BTRC: variants seen among roughly 807,000 people sequenced by gnomAD.
BTRC encodes the protein F-box/WD repeat-containing protein 1A.
BTRC carries 42 observed loss-of-function variants against 85.5 expected under a neutral mutation model. That is an observed-to-expected ratio of 0.49 (90% CI 0.38 to 0.64). The LOEUF is 0.64. Ranked by LOEUF, BTRC falls within the 30% of genes least tolerant of loss-of-function variation. BTRC has a pLI of 0.00. For missense variants in BTRC, 594 were observed against 743.5 expected, an observed-to-expected ratio of 0.80 and a Z score of 2.34; for synonymous variants, 255 against 263.3, an observed-to-expected ratio of 0.97 and a Z score of 0.30.
At chr10:101,432,164 G>A (rs1258822926) in intron 2 of BTRC, among the ~76,000 whole-genome samples, 1 of 144,286 alleles carries the variant, frequency 6.9e-6, no homozygotes, top group Non-Finnish European at 1.5e-5. Flanking sequence ...GTCTTGCTCT[G>A]TTGTCCAGGC....
intron 1 of BTRC, among the ~76,000 whole-genome samples, chr10:101,385,609 C>CTTT (rs1336129170): frequency 8.6e-5 from 2 of 23,132 alleles, no homozygotes; most frequent in African/African-American, 2.0e-4. Context: ...TTCTTTCTTT[C>CTTT]TTCTTCTTCT....
At chr10:101,438,493 A>G (rs929235601) in intron 2 of BTRC, among the ~76,000 whole-genome samples, 1 of 137,370 alleles carries the variant, frequency 7.3e-6, no homozygotes, top group African/African-American at 2.7e-5. Context: ...TTATGTTTTT[A>G]TGTCTCACAC....
chr10:101,368,135 G>T (rs1393655373), intron 1 of BTRC, among the ~76,000 whole-genome samples: 2 of 152,160 alleles, frequency 1.3e-5, no homozygotes. Flanking sequence ...AGGGCTTGGT[G>T]CCATCCTTTT....
chr10:101,369,940 G>A (rs930311275), intron 1 of BTRC, among the ~76,000 whole-genome samples: 4 of 151,968 alleles, frequency 2.6e-5, no homozygotes, highest in East Asian at 1.9e-4. Flanking sequence ...TATAGATGCC[G>A]TCCTTGACTT....
chr10:101,500,342 A>G (rs764163950), intron 4 of BTRC, among the ~76,000 whole-genome samples: 8 of 152,206 alleles, frequency 5.3e-5, no homozygotes, highest in Admixed American at 1.3e-4. Context: ...TAGAAAAGGT[A>G]TAGTAAGAAT....
At chr10:101,476,748 C>T (rs1303839826) in intron 3 of BTRC, among the ~76,000 whole-genome samples, 1 of 151,918 alleles carries the variant, frequency 6.6e-6, no homozygotes, top group Non-Finnish European at 1.5e-5. Context: ...TTGAACTTTA[C>T]TATTTTTGTA....
intron 1 of BTRC, among the ~76,000 whole-genome samples, chr10:101,408,515 C>T (rs1383729842): frequency 6.6e-6 from 1 of 152,090 alleles, no homozygotes; most frequent in African/African-American, 2.4e-5. Flanking sequence ...CCATGTTGCC[C>T]AGGCTGGTCT....
At chr10:101,401,176 G>A (rs1332846977) in intron 1 of BTRC, among the ~76,000 whole-genome samples, 1 of 152,202 alleles carries the variant, frequency 6.6e-6, no homozygotes, top group Non-Finnish European at 1.5e-5. Flanking sequence ...AAGTAATTTT[G>A]TTGTGGCATG....
rs1945979674 is a variant in BTRC at position 101,486,144 on chromosome 10, AGAGATCGGCAGGAGT to A, written c.324+6688_324+6702del. 2.0e-5 allele frequency among the ~76,000 whole-genome samples: 3 copies of A among 152,352 alleles called. No individual in the cohort carries two copies. The South Asian group carries it at 6.2e-4, about 32-fold the overall frequency. On this transcript the variant is annotated intron_variant, in intron 4 of 14. Transcript: ENST00000370187. The stretch of plus-strand genomic sequence containing the variant: ...GCAAATAAAATTACTGCTAACGCTC[AGAGATCGGCAGGAGT>A]CCTACTTGCCTAATCTTACCGGTGG...
intron 8 of BTRC, 90 bp from the exon 9 acceptor site, chr10:101,532,862 T>A: frequency 9.3e-7 from 1 of 1,076,800 alleles, no homozygotes; most frequent in Non-Finnish European, 1.4e-6. Context: ...GCTTTGATTA[T>A]TTTGGGGGAT....
intron 4 of BTRC, among the ~76,000 whole-genome samples, chr10:101,487,373 C>T (rs1228319649): frequency 6.6e-6 from 1 of 152,158 alleles, no homozygotes; most frequent in African/African-American, 2.4e-5. Flanking sequence ...GGTATTACCA[C>T]AATAAATACT....
chr10:101,522,400 T>A (rs374918864), intron 5 of BTRC, among the ~76,000 whole-genome samples: 155 of 53,064 alleles, frequency 2.9e-3, no homozygotes, highest in Non-Finnish European at 4.9e-3. Flanking sequence ...ACTCTAGAAA[T>A]AAAGACTCCT....
chr10:101,415,005 A>G (rs1410304501), intron 1 of BTRC, among the ~76,000 whole-genome samples: 3 of 149,668 alleles, frequency 2.0e-5, no homozygotes, highest in Non-Finnish European at 4.4e-5. Flanking sequence ...GTCTAGCCTA[A>G]GTGCACAGAG....
rs376189574 is a variant in BTRC, at chr10:101,403,323, A to G, written c.49-27022A>G. Reference sequence around the variant, plus strand: ...AAAAAGATGGCCAGTAAGGCCCCATAAGGACTTGGAACCAGGCATTGGAAT... The same window carrying G: ...AAAAAGATGGCCAGTAAGGCCCCATGAGGACTTGGAACCAGGCATTGGAAT... On this transcript the variant is annotated intron_variant, in intron 1 of 14. Transcript: ENST00000370187. Among the ~76,000 whole-genome samples the G allele has an allele frequency of 9.1e-4, 139 of 152,292 alleles. 5 individuals are homozygous for G. In the South Asian group the frequency reaches 0.027, roughly 30 times the overall value.
intron 13 of BTRC, among the ~76,000 whole-genome samples, chr10:101,540,526 C>G (rs993060617): frequency 1.3e-5 from 2 of 152,048 alleles, no homozygotes; most frequent in African/African-American, 4.8e-5. Context: ...AGCTTTTTAC[C>G]AACTCTTGAA....
chr10:101,538,239 C>A (rs1453242164), intron 12 of BTRC, 54 bp from the exon 13 acceptor site: 28 of 1,417,332 alleles, frequency 2.0e-5, no homozygotes, highest in Non-Finnish European at 2.7e-5. Flanking sequence ...TTCTTCCCTG[C>A]CTTCTCTTAC....
At chr10:101,370,192 A>T (rs1234245299) in intron 1 of BTRC, among the ~76,000 whole-genome samples, 1 of 152,168 alleles carries the variant, frequency 6.6e-6, no homozygotes, top group East Asian at 1.9e-4. Flanking sequence ...ATCACAGCTC[A>T]CAGCAGCCTC....
chr10:101,516,668 T>C (rs1337402844), intron 4 of BTRC, among the ~76,000 whole-genome samples: 2 of 152,260 alleles, frequency 1.3e-5, no homozygotes, highest in African/African-American at 4.8e-5. Context: ...CACAAAGTCT[T>C]ATCTTTAGCT....
In BTRC at chr10:101,470,608, G is replaced by A. The variant is rs186473165; in HGVS notation, c.234+8550G>A. ...GCCTCCCAAAGTGCTGGGATTACAG[G>A]CGCGAGCCACCGCGCCTAGCCGGTT... On this transcript the variant is annotated intron_variant, in intron 3 of 14. Transcript: ENST00000370187. Among the ~76,000 whole-genome samples the A allele has an allele frequency of 3.5e-4, 53 of 152,216 alleles. 1 individual carries two copies. In the East Asian group the frequency reaches 8.7e-3, roughly 25 times the overall value.
Sources: gnomAD v4.1 joint callset for allele counts (sites outside exome capture counted in the v4.1 genomes callset) on GRCh38, gnomAD v4.1.1 for gene constraint, MANE v1.5 for transcripts, NCBI Gene and HGNC (gene_info 2026-07-23, HGNC 2026-07-21) for gene names.